The following LDLRAD4 variants were observed in gnomAD, a reference collection of about 807,000 sequenced individuals.
The protein encoded by LDLRAD4 is low density lipoprotein receptor class A domain containing 4.
Under a neutral mutation model 17.0 loss-of-function variants are expected in LDLRAD4, and 5 were observed. That is an observed-to-expected ratio of 0.29 (90% CI 0.15 to 0.62). LDLRAD4 has a LOEUF of 0.62. LDLRAD4 is among the 20% of genes least tolerant of loss of function. The pLI, the probability that LDLRAD4 is intolerant of heterozygous loss-of-function variation, is 0.84. For missense variants in LDLRAD4, 340 were observed against 424.7 expected (o/e 0.80, Z 1.75); for synonymous variants, 168 against 171.8 (o/e 0.98, Z 0.17).
chr18:13,456,784 C>T (rs1024588431), intron 3 of LDLRAD4, among the ~76,000 whole-genome samples: 23 of 152,108 alleles, frequency 1.5e-4, no homozygotes, highest in African/African-American at 3.4e-4. Flanking sequence ...GCTATCAGTG[C>T]GGGTTTGAGC....
chr18:13,555,927 G>A (rs1402908057), intron 3 of LDLRAD4, among the ~76,000 whole-genome samples: 1 of 152,074 alleles, frequency 6.6e-6, no homozygotes, highest in Non-Finnish European at 1.5e-5. Flanking sequence ...AGCTTCATTG[G>A]TGTCTTCCTT....
chr18:13,348,398 A>G (rs1310054345), intron 1 of LDLRAD4, among the ~76,000 whole-genome samples: 1 of 152,142 alleles, frequency 6.6e-6, no homozygotes, highest in Non-Finnish European at 1.5e-5. Flanking sequence ...ATATTGGTGA[A>G]CAGCAAATGT....
chr18:13,221,150 G>C (rs1018997940), intron 1 of LDLRAD4, among the ~76,000 whole-genome samples: 2 of 152,170 alleles, frequency 1.3e-5, no homozygotes, highest in South Asian at 4.2e-4. Context: ...CTCAAGAAGT[G>C]ATAAAACATT....
intron 3 of LDLRAD4, among the ~76,000 whole-genome samples, chr18:13,479,976 G>A (rs1478328646): frequency 6.6e-6 from 1 of 152,198 alleles, no homozygotes; most frequent in Non-Finnish European, 1.5e-5. Flanking sequence ...TCTATGGCGG[G>A]GGGCAGCCAC....
chr18:13,555,853 T>C (rs1436256903), intron 3 of LDLRAD4, among the ~76,000 whole-genome samples: 2 of 148,654 alleles, frequency 1.3e-5, no homozygotes, highest in African/African-American at 2.5e-5. Flanking sequence ...TGTTTGGGAG[T>C]TGTATTATTT....
In LDLRAD4 at chr18:13,459,069, T is replaced by A. The variant is rs913966494; in HGVS notation, c.181+20685T>A. Among the ~76,000 whole-genome samples, 3 of 148,956 alleles carry A rather than the reference T, an allele frequency of 2.0e-5. No individual in the cohort carries two copies. In the Admixed American group the frequency reaches 2.1e-4, roughly 10 times the overall value. On this transcript the variant is annotated intron_variant, in intron 3 of 5. Coordinates refer to ENST00000359446, the Ensembl canonical transcript of LDLRAD4. ...TGGCTCACGCCTGTAATCTCAGCAC[T>A]TTGGTTTTGGAAGGCCGAGGTGGGA... is the stretch of plus-strand genomic sequence containing the variant.
At chr18:13,257,768 A>T (rs2043587095) in intron 1 of LDLRAD4, among the ~76,000 whole-genome samples, 1 of 152,188 alleles carries the variant, frequency 6.6e-6, no homozygotes, top group South Asian at 2.1e-4. Flanking sequence ...GAGACCAGGG[A>T]TGCTGTTAGA....
At chr18:13,412,884 T>C (rs1009634160) in intron 2 of LDLRAD4, among the ~76,000 whole-genome samples, 27 of 152,232 alleles carry the variant, frequency 1.8e-4, no homozygotes, top group African/African-American at 6.3e-4. Flanking sequence ...GCTTCTCAAA[T>C]TTTTATTGAT....
intron 1 of LDLRAD4, among the ~76,000 whole-genome samples, chr18:13,320,402 C>G (rs187849380): frequency 1.3e-5 from 2 of 152,268 alleles, no homozygotes; most frequent in East Asian, 3.9e-4. Flanking sequence ...AAAAGTCATC[C>G]TTTAATTGAG....
At chr18:13,392,329 A>G (rs750218379) in intron 2 of LDLRAD4, among the ~76,000 whole-genome samples, 8 of 152,266 alleles carry the variant, frequency 5.3e-5, no homozygotes, top group South Asian at 2.1e-4. Flanking sequence ...GAGCACCTTC[A>G]TGTTACACTT....
intron 1 of LDLRAD4, among the ~76,000 whole-genome samples, chr18:13,254,073 T>C (rs1389288512): frequency 6.6e-6 from 1 of 152,230 alleles, no homozygotes; most frequent in Non-Finnish European, 1.5e-5. Flanking sequence ...AGGAGAGTGC[T>C]GGCAGAGAAG....
intron 4 of LDLRAD4, among the ~76,000 whole-genome samples, chr18:13,630,156 A>G (rs2041538933): frequency 6.6e-6 from 1 of 152,236 alleles, no homozygotes; most frequent in Non-Finnish European, 1.5e-5. Context: ...AGAAATAGAA[A>G]GGATTCCCTT....
chr18:13,218,500 A>C (rs544244454), upstream of LDLRAD4, among the ~76,000 whole-genome samples: 295 of 152,082 alleles, frequency 1.9e-3, 1 homozygote, highest in Admixed American at 4.8e-3. Context: ...CCGCGCCCCT[A>C]GGCCTCGGCG....
At chr18:13,370,657 T>A (rs1325260855) in intron 1 of LDLRAD4, among the ~76,000 whole-genome samples, 2 of 151,638 alleles carry the variant, frequency 1.3e-5, no homozygotes, top group African/African-American at 4.8e-5. Context: ...TCTGTGACAT[T>A]GGGCCTTATG....
chr18:13,293,860 C>A (rs2046111807), intron 1 of LDLRAD4, among the ~76,000 whole-genome samples: 1 of 152,174 alleles, frequency 6.6e-6, no homozygotes, highest in Non-Finnish European at 1.5e-5. Flanking sequence ...TCCCCCCTTG[C>A]TTTAGGTTCC....
Position 13,239,210 on chromosome 18 carries a change from G to C in LDLRAD4, c.-467+20222G>C, listed in dbSNP as rs1407117897. 3.4e-5 allele frequency among the ~76,000 whole-genome samples: 5 copies of C among 149,032 alleles called. No homozygotes were observed. The East Asian group carries it at 9.7e-4, about 29-fold the overall frequency. ...TCAAAAAAAAAAAAAAAAAATTGCT[G>C]CTTGTAACTGCGGGCTCGAGAGAAC... On this transcript the variant is annotated intron_variant, in intron 1 of 5. Coordinates refer to the LDLRAD4 transcript ENST00000399848.
At chr18:13,557,013 G>A (rs181427421) in intron 3 of LDLRAD4, among the ~76,000 whole-genome samples, 41 of 152,294 alleles carry the variant, frequency 2.7e-4, no homozygotes, top group Middle Eastern at 3.4e-3. Flanking sequence ...TAATAAGCAC[G>A]GCCAGGCTCA....
Position 13,573,460 on chromosome 18 carries a change from G to C in LDLRAD4, c.182-47657G>C, listed in dbSNP as rs192231917. 8.5e-4 allele frequency among the ~76,000 whole-genome samples: 129 copies of C among 152,042 alleles called. 1 individual carries two copies. Among genetic ancestry groups the C allele is most frequent in the African/African-American group, 2.9e-3 (121 of 41,440 alleles). On this transcript the variant is annotated intron_variant, in intron 3 of 5. Transcript: ENST00000359446. ...TTGCCTTGTAGGCCAGGCTGGTCTC[G>C]AACTCCTGGCCTCAGGTGATCTGCC...
At chr18:13,313,748 C>T (rs9303783) in intron 1 of LDLRAD4, among the ~76,000 whole-genome samples, 55,199 of 151,976 alleles carry the variant, frequency 0.36, 10,735 homozygotes, top group African/African-American at 0.5. Flanking sequence ...AGGACAGTGA[C>T]GGTTTCTGCC....
Sources: allele counts gnomAD v4.1 joint callset (sites outside exome capture counted in the v4.1 genomes callset), GRCh38; gene constraint gnomAD v4.1.1; transcripts MANE v1.5; gene names NCBI Gene and HGNC (gene_info 2026-07-23, HGNC 2026-07-21).